CALB2: variants seen among roughly 807,000 people sequenced by gnomAD.
The protein encoded by CALB2 is calbindin 2, also known as calretinin.
CALB2 carries 34 observed loss-of-function variants against 45.9 expected under a neutral mutation model. That is an observed-to-expected ratio of 0.74 (90% CI 0.56 to 0.99). The LOEUF is 0.99. CALB2 is among the 50% of genes least tolerant of loss of function. CALB2 has a pLI of 0.00. For missense variants in CALB2, 344 were observed against 339.3 expected (o/e 1.01, Z -0.11); for synonymous variants, 142 against 129.6 (o/e 1.10, Z -0.65).
chr16:71,378,857 G>C (rs1420778624), intron 4 of CALB2, among the ~76,000 whole-genome samples: 1 of 152,188 alleles, frequency 6.6e-6, no homozygotes, highest in African/African-American at 2.4e-5. Context: ...GTTCCAAGAA[G>C]CAGGCTAGAG....
chr16:71,376,018 A>T (rs1346608519), intron 3 of CALB2, among the ~76,000 whole-genome samples: 1 of 152,202 alleles, frequency 6.6e-6, no homozygotes, highest in Non-Finnish European at 1.5e-5. Flanking sequence ...CCAACAGCCT[A>T]GTTATAGAGG....
intron 10 of CALB2, among the ~76,000 whole-genome samples, chr16:71,389,026 C>T (rs2042605274): frequency 7.5e-6 from 1 of 133,352 alleles, no homozygotes; most frequent in Non-Finnish European, 1.6e-5. Flanking sequence ...AAGCAGACTT[C>T]CTTGCTTAAA....
intron 1 of CALB2, among the ~76,000 whole-genome samples, chr16:71,366,339 T>TC (rs2042288211): frequency 2.3e-5 from 1 of 42,756 alleles, no homozygotes; most frequent in Admixed American, 3.5e-4. Context: ...TTTTTTTTTT[T>TC]TTTTTGAGAG....
At chr16:71,366,798 A>C (rs926572488) in intron 1 of CALB2, among the ~76,000 whole-genome samples, 1 of 152,198 alleles carries the variant, frequency 6.6e-6, no homozygotes, top group Non-Finnish European at 1.5e-5. Context: ...TGCTTCCACA[A>C]CATTACCTTG....
intron 5 of CALB2, among the ~76,000 whole-genome samples, 191 bp from the exon 6 acceptor site, chr16:71,383,176 C>T (rs1177835736): frequency 6.6e-6 from 1 of 152,166 alleles, no homozygotes; most frequent in Non-Finnish European, 1.5e-5. Flanking sequence ...CAGGGTTGCA[C>T]CACCAGCTAG....
At position 71,374,774 on chromosome 16, in the gene CALB2, G is replaced by A. The variant is rs148393734; in HGVS notation, c.201G>A (p.Lys67=). The A allele has an allele frequency of 1.0e-4, 169 of 1,613,682 alleles. No individual in the cohort carries two copies. The African/African-American group carries it at 2.1e-3, about 20-fold the overall frequency. ...CAAAGAGTGACAACTTTGGAGAAAA[G>A]ATGAAGGAGTTCATGCAGAAGTATG... ...MMSKSDNFGE[K]MKEFMQKYDK... is the part of the protein sequence containing the mutation. Residue 67 remains lysine, a synonymous_variant, in exon 3 of 11, where the codon AAG becomes AAA. Transcript: ENST00000302628.
chr16:71,385,783 G>A (rs1025457146), intron 10 of CALB2, 135 bp downstream of exon 10: 3 of 627,000 alleles, frequency 4.8e-6, no homozygotes, highest in Non-Finnish European at 8.0e-6. Context: ...TAGACATTTT[G>A]TGGGTTTGCT....
chr16:71,386,984 T>G (rs1422237607), intron 10 of CALB2, among the ~76,000 whole-genome samples: 3 of 152,252 alleles, frequency 2.0e-5, no homozygotes, highest in African/African-American at 7.2e-5. Flanking sequence ...AACTTTTTTC[T>G]TGGCACTAAA....
At chr16:71,363,004 A>ACCC (rs567269352) in intron 1 of CALB2, among the ~76,000 whole-genome samples, 1 of 150,236 alleles carries the variant, frequency 6.7e-6, no homozygotes. Flanking sequence ...ATACAGTGAG[A>ACCC]CCCCCCCTCC....
In CALB2 at chr16:71,358,746, G is replaced by A; in HGVS notation, c.-47G>A. On this transcript the variant is annotated 5_prime_UTR_variant, in exon 1 of 11. Transcript: ENST00000302628. ...CCAGCGCGAGTGCCAGAGCCCAGCC[G>A]GCGCGGAGCGGGAGCGGTGCAGGCT... The A allele has an allele frequency of 2.0e-6, 3 of 1,473,426 alleles. No homozygotes were observed. Among genetic ancestry groups the A allele is most frequent in the South Asian group, 1.2e-5 (1 of 83,120 alleles). 91.3% of individuals were successfully genotyped at this position (1,473,426 alleles called of 1,614,324 possible).
At chr16:71,364,094 T>C (rs1290223529) in intron 1 of CALB2, among the ~76,000 whole-genome samples, 4 of 151,764 alleles carry the variant, frequency 2.6e-5, no homozygotes, top group African/African-American at 9.7e-5. Flanking sequence ...GGTTGTGGAG[T>C]GTCCACGTGC....
At position 71,382,701 on chromosome 16, in the gene CALB2, A is replaced by T. The variant is rs755517347; in HGVS notation, c.343-18A>T. Reference sequence around the variant, plus strand: ...TTGATACGTCTTTGCAAAGAGGTTGACATTCCTGTTGTTGCAGGCTTGGCG... The same window carrying T: ...TTGATACGTCTTTGCAAAGAGGTTGTCATTCCTGTTGTTGCAGGCTTGGCG... On this transcript the variant is annotated intron_variant, in intron 4 of 10. Transcript: ENST00000302628. 6.2e-7 allele frequency: 1 copy of T among 1,609,246 alleles called. No individual in the cohort carries two copies. Among genetic ancestry groups the T allele is most frequent in the East Asian group, 2.2e-5 (1 of 44,802 alleles).
chr16:71,368,913 C>T (rs541932858), intron 1 of CALB2, among the ~76,000 whole-genome samples: 44 of 152,080 alleles, frequency 2.9e-4, no homozygotes, highest in Non-Finnish European at 4.7e-4. Context: ...CTCCTTCAAA[C>T]CTTTCTAGAA....
intron 3 of CALB2, among the ~76,000 whole-genome samples, chr16:71,376,909 GAAATGTTCCC>G (rs1201421095): frequency 6.6e-6 from 1 of 152,160 alleles, no homozygotes; most frequent in East Asian, 1.9e-4. Flanking sequence ...TAAGTGCAAG[GAAATGTTCCC>G]AGAAGTACCC....
At position 71,385,548 on chromosome 16, in the gene CALB2, C is replaced by T. The variant is rs764656882; in HGVS notation, c.628-29C>T. ...GACAGCAGGGGCCCAGGCTTTAGAG[C>T]TCTGGGTTGACTCTGCTCCCATCCC... is the stretch of plus-strand genomic sequence containing the variant. On this transcript the variant is annotated intron_variant, in intron 9 of 10. Coordinates refer to ENST00000302628, the MANE Select transcript of CALB2 (RefSeq NM_001740.5). The T allele has an allele frequency of 1.9e-6, 3 of 1,605,682 alleles. No homozygotes were observed. In the South Asian group the frequency reaches 3.3e-5, roughly 18 times the overall value.
At chr16:71,388,460 A>G (rs781239544) in intron 10 of CALB2, among the ~76,000 whole-genome samples, 16 of 152,190 alleles carry the variant, frequency 1.1e-4, no homozygotes, top group Non-Finnish European at 1.6e-4. Flanking sequence ...TGACCTTGCT[A>G]TATTTCAGAC....
intron 2 of CALB2, among the ~76,000 whole-genome samples, chr16:71,374,005 T>C (rs2042382055): frequency 6.6e-6 from 1 of 152,174 alleles, no homozygotes; most frequent in African/African-American, 2.4e-5. Context: ...GGCAGAAACA[T>C]CAGCCGTGCA....
chr16:71,368,679 T>C (rs1361588958), intron 1 of CALB2, among the ~76,000 whole-genome samples: 1 of 152,122 alleles, frequency 6.6e-6, no homozygotes, highest in Non-Finnish European at 1.5e-5. Flanking sequence ...CAGAAAAGGA[T>C]TCTACTCTGC....
chr16:71,384,745 CGCTTCT>C (rs1567544269), intron 8 of CALB2, 32 bp from the exon 9 acceptor site: 1 of 1,418,894 alleles, frequency 7.0e-7, no homozygotes, highest in African/African-American at 1.7e-5. Flanking sequence ...CACACCACTG[CGCTTCT>C]GCTTCTGTCT....
Sources: gnomAD v4.1 joint callset for allele counts (sites outside exome capture counted in the v4.1 genomes callset) on GRCh38, gnomAD v4.1.1 for gene constraint, MANE v1.5 for transcripts, NCBI Gene and HGNC (gene_info 2026-07-23, HGNC 2026-07-21) for gene names.